The following UBE2R2 variants were observed in gnomAD, a reference collection of about 807,000 sequenced individuals.
The protein encoded by UBE2R2 is ubiquitin conjugating enzyme E2 R2.
Under a neutral mutation model 27.8 loss-of-function variants are expected in UBE2R2, and 1 was observed. The observed-to-expected ratio is 0.04, with a 90% CI of 0.01 to 0.17. The LOEUF is 0.17. UBE2R2 is among the 10% of genes least tolerant of loss of function. The pLI, the probability that UBE2R2 is intolerant of heterozygous loss-of-function variation, is 1.00. For missense variants in UBE2R2, 100 were observed against 291.0 expected (o/e 0.34, Z 4.78); for synonymous variants, 106 against 113.3 (o/e 0.94, Z 0.41).
At chr9:33,872,925 A>G (rs1821518583) in intron 1 of UBE2R2, among the ~76,000 whole-genome samples, 1 of 152,154 alleles carries the variant, frequency 6.6e-6, no homozygotes, top group Non-Finnish European at 1.5e-5. Context: ...CTGTAATCCC[A>G]GCACTTTAGG....
chr9:33,907,926 T>G (rs1822396512), intron 3 of UBE2R2, among the ~76,000 whole-genome samples: 1 of 152,112 alleles, frequency 6.6e-6, no homozygotes, highest in African/African-American at 2.4e-5. Context: ...CCTCCCGGGT[T>G]CAAACGATTC....
At chr9:33,873,950 A>AT (rs11321860) in intron 1 of UBE2R2, among the ~76,000 whole-genome samples, 27,452 of 143,900 alleles carry the variant, frequency 0.19, 3,247 homozygotes, top group East Asian at 0.59. Context: ...CCTGGCCTAA[A>AT]TTTTTTTTTT....
intron 1 of UBE2R2, among the ~76,000 whole-genome samples, chr9:33,827,178 G>A (rs905901016): frequency 6.6e-6 from 1 of 152,106 alleles, no homozygotes; most frequent in Non-Finnish European, 1.5e-5. Context: ...AAAAAAATTA[G>A]TCAAGCATGG....
intron 1 of UBE2R2, among the ~76,000 whole-genome samples, chr9:33,852,828 T>C (rs1820997433): frequency 1.3e-5 from 2 of 152,110 alleles, no homozygotes; most frequent in South Asian, 2.1e-4. Flanking sequence ...GCCAATATGG[T>C]GTAACCCTGT....
At chr9:33,892,226 C>T (rs1257367775) in intron 2 of UBE2R2, among the ~76,000 whole-genome samples, 1 of 152,056 alleles carries the variant, frequency 6.6e-6, no homozygotes, top group African/African-American at 2.4e-5. Context: ...ATATATGTTA[C>T]TGGTTACATT....
rs1230965777 is a variant in UBE2R2, at chr9:33,918,317, C to T, written c.*1080C>T. On this transcript the variant is annotated 3_prime_UTR_variant, in exon 5 of 5. Coordinates refer to ENST00000263228, the MANE Select transcript of UBE2R2 (RefSeq NM_017811.4). ...TGTTAAGATTTCGGTTTTCATCGAGCTGCTTATACTGATAGTGAAAAACTT... is the reference window on the plus strand; with the variant it reads ...TGTTAAGATTTCGGTTTTCATCGAGTTGCTTATACTGATAGTGAAAAACTT... 1.3e-5 allele frequency: 2 copies of T among 151,944 alleles called. No homozygotes were observed. Among genetic ancestry groups the T allele is most frequent in the Admixed American group, 6.6e-5 (1 of 15,240 alleles). 9.4% of individuals were successfully genotyped at this position (151,944 alleles called of 1,614,324 possible).
chr9:33,907,364 G>A (rs1157904449), intron 3 of UBE2R2, among the ~76,000 whole-genome samples: 1 of 151,726 alleles, frequency 6.6e-6, no homozygotes, highest in African/African-American at 2.4e-5. Flanking sequence ...TTATTGCCTC[G>A]CTGTGGCATA....
At chr9:33,900,918 T>A (rs1202206106) in intron 3 of UBE2R2, among the ~76,000 whole-genome samples, 1 of 152,074 alleles carries the variant, frequency 6.6e-6, no homozygotes, top group Non-Finnish European at 1.5e-5. Context: ...CCTCTCTCTC[T>A]CTGTCTCTGT....
intron 1 of UBE2R2, among the ~76,000 whole-genome samples, chr9:33,865,630 T>A (rs56370320): frequency 6.6e-6 from 1 of 152,198 alleles, no homozygotes; most frequent in Non-Finnish European, 1.5e-5. Flanking sequence ...TCATTAGCTC[T>A]CCATATTTCC....
intron 2 of UBE2R2, among the ~76,000 whole-genome samples, chr9:33,896,597 T>C (rs1407535669): frequency 1.4e-5 from 2 of 145,924 alleles, no homozygotes; most frequent in Non-Finnish European, 3.0e-5. Context: ...CGCTGTGTCA[T>C]GACTGGCTAT....
At chr9:33,829,589 T>C (rs1820399056) in intron 1 of UBE2R2, among the ~76,000 whole-genome samples, 1 of 152,072 alleles carries the variant, frequency 6.6e-6, no homozygotes, top group Admixed American at 6.6e-5. Flanking sequence ...CCTCTGAAAG[T>C]GAGAGATGAT....
intron 3 of UBE2R2, among the ~76,000 whole-genome samples, chr9:33,911,145 A>C (rs905821082): frequency 1.1e-4 from 16 of 151,942 alleles, no homozygotes; most frequent in African/African-American, 3.9e-4. Context: ...GTAGTGGCTC[A>C]TGCTTTTAAT....
At chr9:33,891,090 C>T (rs887288196) in intron 2 of UBE2R2, among the ~76,000 whole-genome samples, 2 of 127,534 alleles carry the variant, frequency 1.6e-5, no homozygotes, top group African/African-American at 5.7e-5. Context: ...TGCTCTGTCA[C>T]CCAGGCTAGA....
At chr9:33,890,063 G>GA (rs1339391977) in intron 2 of UBE2R2, among the ~76,000 whole-genome samples, 1 of 152,052 alleles carries the variant, frequency 6.6e-6, no homozygotes. Context: ...AAAAGAAACA[G>GA]AAAAATAGGA....
At chr9:33,875,667 C>T (rs1029748459) in intron 1 of UBE2R2, among the ~76,000 whole-genome samples, 1 of 152,050 alleles carries the variant, frequency 6.6e-6, no homozygotes, top group Non-Finnish European at 1.5e-5. Flanking sequence ...TGTTTTTTGC[C>T]ATTTTACATA....
intron 3 of UBE2R2, among the ~76,000 whole-genome samples, chr9:33,905,315 G>A (rs182386646): frequency 6.6e-6 from 1 of 152,296 alleles, no homozygotes; most frequent in East Asian, 1.9e-4. Flanking sequence ...GAGAGCCAGA[G>A]ACATCACCCC....
At chr9:33,846,539 G>A (rs1397434939) in intron 1 of UBE2R2, among the ~76,000 whole-genome samples, 1 of 151,920 alleles carries the variant, frequency 6.6e-6, no homozygotes, top group African/African-American at 2.4e-5. Flanking sequence ...AATATGATGG[G>A]TTAAGCAATG....
chr9:33,873,883 TC>T (rs1019577131), intron 1 of UBE2R2, among the ~76,000 whole-genome samples: 20 of 151,796 alleles, frequency 1.3e-4, no homozygotes, highest in African/African-American at 4.6e-4. Flanking sequence ...GCTCAAGCGA[TC>T]CGCCTGCCTT....
intron 1 of UBE2R2, among the ~76,000 whole-genome samples, chr9:33,850,007 A>G (rs1002190854): frequency 2.0e-5 from 3 of 152,122 alleles, no homozygotes; most frequent in East Asian, 1.9e-4. Context: ...TTGTCTGCCT[A>G]TATCTATATT....
Sources: gnomAD v4.1 joint callset for allele counts (sites outside exome capture counted in the v4.1 genomes callset) on GRCh38, gnomAD v4.1.1 for gene constraint, MANE v1.5 for transcripts, NCBI Gene and HGNC (gene_info 2026-07-23, HGNC 2026-07-21) for gene names.